The following MYT1L variants were observed in gnomAD, a reference collection of about 807,000 sequenced individuals.
MYT1L encodes the protein myelin transcription factor 1-like protein.
In MYT1L, 12 loss-of-function variants were observed where a neutral mutation model predicts 126.7. The observed-to-expected ratio is 0.09, with a 90% CI of 0.06 to 0.15. The LOEUF is 0.15. Ranked by LOEUF, MYT1L falls within the 10% of genes least tolerant of loss-of-function variation. The pLI is 1.00. For missense variants in MYT1L, 979 were observed against 1,585.2 expected, an observed-to-expected ratio of 0.62 and a Z score of 6.49; for synonymous variants, 541 against 604.2, an observed-to-expected ratio of 0.90 and a Z score of 1.53.
chr2:1,879,075 G>C (rs889965006), intron 18 of MYT1L, among the ~76,000 whole-genome samples: 2 of 152,158 alleles, frequency 1.3e-5, no homozygotes, highest in African/African-American at 4.8e-5. Flanking sequence ...ACAGCAATAG[G>C]TTGAAATTGC....
chr2:2,075,348 T>C (rs1332530323), intron 3 of MYT1L, among the ~76,000 whole-genome samples: 1 of 152,198 alleles, frequency 6.6e-6, no homozygotes, highest in Non-Finnish European at 1.5e-5. Flanking sequence ...GGGTGGAAGA[T>C]GTACCACACA....
chr2:2,206,259 C>T (rs1176498698), intron 2 of MYT1L, among the ~76,000 whole-genome samples: 5 of 152,072 alleles, frequency 3.3e-5, no homozygotes, highest in African/African-American at 4.8e-5. Flanking sequence ...ATTATAGGCA[C>T]GAGCCACCGT....
At chr2:2,135,776 T>A (rs144614850) in intron 3 of MYT1L, among the ~76,000 whole-genome samples, 1,804 of 152,228 alleles carry the variant, frequency 0.012, 26 homozygotes, top group Non-Finnish European at 0.018. Context: ...GGCCAGAGAA[T>A]GTGCTAAGAT....
intron 3 of MYT1L, among the ~76,000 whole-genome samples, chr2:2,100,611 T>C (rs113023650): frequency 8.5e-5 from 13 of 152,302 alleles, no homozygotes; most frequent in African/African-American, 2.9e-4. Context: ...TCTTGAGTTA[T>C]TAATATTTCT....
chr2:1,924,294 T>C lies in MYT1L; in HGVS notation c.506-1031A>G, dbSNP rs147712594. 2.8e-3 allele frequency among the ~76,000 whole-genome samples: 432 copies of C among 152,314 alleles called. 2 individuals are homozygous for C. Among genetic ancestry groups the C allele is most frequent in the African/African-American group, 9.7e-3 (405 of 41,574 alleles). On this transcript the variant is annotated intron_variant, in intron 9 of 24. Coordinates refer to ENST00000647738, the MANE Select transcript of MYT1L (RefSeq NM_001303052.2). ...TACCTCTAATCACCATGCTAGGTCA[T>C]TGCTTCCATGTACATTGCAAAATAT...
chr2:1,911,378 T>C (rs2051944776), intron 12 of MYT1L, among the ~76,000 whole-genome samples: 2 of 151,984 alleles, frequency 1.3e-5, no homozygotes. Flanking sequence ...TTTTGGCCTC[T>C]GGGAAAAAAA....
chr2:2,295,767 C>CAGACAG, intron 1 of MYT1L, among the ~76,000 whole-genome samples: 1 of 16,854 alleles, frequency 5.9e-5, no homozygotes, highest in Admixed American at 5.0e-4. Flanking sequence ...GACAGACAGA[C>CAGACAG]AGAGAGAGAG....
intron 18 of MYT1L, among the ~76,000 whole-genome samples, chr2:1,877,382 GT>G (rs1288029539): frequency 1.4e-5 from 2 of 141,012 alleles, no homozygotes; most frequent in African/African-American, 5.9e-5. Context: ...AGAGTGGTGA[GT>G]TTATACATAT....
chr2:2,229,659 C>G (rs1366131993), intron 2 of MYT1L, among the ~76,000 whole-genome samples: 2 of 151,976 alleles, frequency 1.3e-5, no homozygotes, highest in African/African-American at 2.4e-5. Context: ...TCTTGAACTC[C>G]TGGGCTCCAG....
At chr2:2,207,999 C>A (rs543308385) in intron 2 of MYT1L, among the ~76,000 whole-genome samples, 1 of 152,090 alleles carries the variant, frequency 6.6e-6, no homozygotes, top group Admixed American at 6.6e-5. Flanking sequence ...CAATCCACTC[C>A]ATGCCCCACT....
intron 21 of MYT1L, chr2:1,824,577 G>T (rs1013845707): frequency 6.6e-6 from 1 of 152,354 alleles, no homozygotes; most frequent in South Asian, 2.1e-4. Context: ...TGACACCCCG[G>T]CCAGGCCATG....
intron 2 of MYT1L, among the ~76,000 whole-genome samples, chr2:2,204,268 A>C (rs1386402506): frequency 6.6e-6 from 1 of 152,100 alleles, no homozygotes; most frequent in African/African-American, 2.4e-5. Flanking sequence ...AATGGGATCT[A>C]ATTAAACTAA....
At chr2:1,792,112 T>C in intron 24 of MYT1L, 105 bp from the exon 25 acceptor site, 2 of 1,200,530 alleles carry the variant, frequency 1.7e-6, no homozygotes, top group Non-Finnish European at 1.1e-6. Flanking sequence ...GGTTTTATAC[T>C]ATTTCAAAGG....
intron 18 of MYT1L, among the ~76,000 whole-genome samples, chr2:1,880,548 T>C (rs2047402060): frequency 6.6e-6 from 1 of 152,216 alleles, no homozygotes; most frequent in African/African-American, 2.4e-5. Context: ...GCATGTTTCA[T>C]TTAGTTTTCA....
At chr2:2,170,468 C>T (rs190579397) in intron 3 of MYT1L, among the ~76,000 whole-genome samples, 4 of 152,294 alleles carry the variant, frequency 2.6e-5, no homozygotes, top group East Asian at 3.9e-4. Flanking sequence ...AGCAGTTGCA[C>T]GGAGACCACT....
chr2:1,927,465 C>T (rs2054387939), intron 9 of MYT1L, among the ~76,000 whole-genome samples: 1 of 152,300 alleles, frequency 6.6e-6, no homozygotes, highest in East Asian at 1.9e-4. Context: ...TATCCTCCAC[C>T]CTCCTCACTA....
At chr2:1,951,038 G>A (rs561911047) in intron 8 of MYT1L, among the ~76,000 whole-genome samples, 2 of 152,112 alleles carry the variant, frequency 1.3e-5, no homozygotes, top group Non-Finnish European at 2.9e-5. Flanking sequence ...GCACTGGTAC[G>A]GAAGACACGG....
At position 2,038,598 on chromosome 2, in the gene MYT1L, C is replaced by G. The variant is rs572681926; in HGVS notation, c.-158+15380G>C. ...AGTTGCTGTTCCTGCCACCAAATATCTCCCCTTCAAATCGATTTTTTATGT... is the reference window on the plus strand; with the variant it reads ...AGTTGCTGTTCCTGCCACCAAATATGTCCCCTTCAAATCGATTTTTTATGT... On this transcript the variant is annotated intron_variant, in intron 4 of 24. Coordinates refer to ENST00000647738, the MANE Select transcript of MYT1L (RefSeq NM_001303052.2). 2.0e-5 allele frequency among the ~76,000 whole-genome samples: 3 copies of G among 152,156 alleles called. No homozygotes were observed. In the South Asian group the frequency reaches 6.2e-4, roughly 32 times the overall value.
rs1027821637 is a variant in MYT1L, at chr2:1,922,226, A to G, written c.1483+60T>C. 3.5e-5 allele frequency: 55 copies of G among 1,573,946 alleles called. No homozygotes were observed. Among genetic ancestry groups the G allele is most frequent in the Non-Finnish European group, 3.5e-6 (4 of 1,158,292 alleles). The stretch of plus-strand genomic sequence containing the variant: ...CACACTTTAACTGTAGACTACCACC[A>G]ACATCCTTTACCCTAGCTCATGTTT... On this transcript the variant is annotated intron_variant, in intron 10 of 24. Coordinates refer to ENST00000647738, the MANE Select transcript of MYT1L (RefSeq NM_001303052.2). This position sits in a 1 kb window ranked among gnomAD's most constrained non-coding sequence, Gnocchi z 7.4.
Sources: gnomAD v4.1 joint callset for allele counts (sites outside exome capture counted in the v4.1 genomes callset) on GRCh38, gnomAD v4.1.1 for gene constraint, Gnocchi (gnomAD v3.1) non-coding constraint, MANE v1.5 for transcripts, NCBI Gene and HGNC (gene_info 2026-07-23, HGNC 2026-07-21) for gene names.